The following SORCS1 variants were observed in gnomAD, a reference collection of about 807,000 sequenced individuals.
SORCS1 encodes the protein sortilin related VPS10 domain containing receptor 1, also known as VPS10 domain-containing receptor SorCS1.
In SORCS1, 60 loss-of-function variants were observed where a neutral mutation model predicts 146.1. The ratio of observed to expected loss-of-function variants is 0.41; its 90% confidence interval spans 0.33 to 0.51. The LOEUF (loss-of-function observed/expected upper bound fraction) is 0.51, where lower values mean the gene tolerates loss of function less well. Among genes scored for constraint, SORCS1 ranks in the 20% least tolerant of loss-of-function variants. SORCS1 has a pLI of 0.21. For missense variants in SORCS1, 1,352 were observed against 1,487.6 expected (o/e 0.91, Z 1.50); for synonymous variants, 637 against 584.0 (o/e 1.09, Z -1.31).
At chr10:107,147,750 C>T (rs752519997) in intron 1 of SORCS1, among the ~76,000 whole-genome samples, 10 of 152,076 alleles carry the variant, frequency 6.6e-5, no homozygotes, top group Non-Finnish European at 1.2e-4. Flanking sequence ...TTATTGCAAA[C>T]CACCTATGTG....
chr10:107,077,984 A>G (rs1438758102), intron 1 of SORCS1, among the ~76,000 whole-genome samples: 5 of 152,206 alleles, frequency 3.3e-5, no homozygotes, highest in African/African-American at 1.2e-4. Context: ...ATGTCTGGGA[A>G]ATTCATGGTC....
chr10:106,589,128 T>C (rs1845437656), intron 24 of SORCS1, among the ~76,000 whole-genome samples: 1 of 152,204 alleles, frequency 6.6e-6, no homozygotes, highest in African/African-American at 2.4e-5. Flanking sequence ...CTTTTAGTTC[T>C]TTGAGCAGAA....
intron 2 of SORCS1, among the ~76,000 whole-genome samples, chr10:106,887,506 G>T (rs1406903197): frequency 6.6e-6 from 1 of 152,056 alleles, no homozygotes; most frequent in Non-Finnish European, 1.5e-5. Context: ...GAACCCAGGA[G>T]GCAGAGGTTG....
chr10:106,801,283 A>G (rs538597707), intron 3 of SORCS1, among the ~76,000 whole-genome samples: 1 of 152,274 alleles, frequency 6.6e-6, no homozygotes, highest in Admixed American at 6.5e-5. Context: ...GAAAGGAATA[A>G]AGGCAAGAGA....
At chr10:106,915,504 CCCTCCT>C (rs886600628) in intron 2 of SORCS1, among the ~76,000 whole-genome samples, 3 of 152,112 alleles carry the variant, frequency 2.0e-5, no homozygotes, top group African/African-American at 7.2e-5. Context: ...CTGCCAACCT[CCCTCCT>C]CCTCCTCCCT....
intron 1 of SORCS1, among the ~76,000 whole-genome samples, chr10:106,972,858 G>C (rs966190209): frequency 2.6e-5 from 4 of 152,180 alleles, no homozygotes; most frequent in African/African-American, 7.2e-5. Flanking sequence ...ATAGCAATGG[G>C]GAGATGTTTT....
intron 6 of SORCS1, among the ~76,000 whole-genome samples, chr10:106,718,523 C>T (rs544013210): frequency 1.5e-4 from 22 of 150,144 alleles, no homozygotes; most frequent in Admixed American, 4.6e-4. Flanking sequence ...CAAACCTTCG[C>T]GCTGTTACAG....
intron 24 of SORCS1, among the ~76,000 whole-genome samples, chr10:106,585,405 G>C (rs1845170068): frequency 6.6e-6 from 1 of 151,976 alleles, no homozygotes; most frequent in African/African-American, 2.4e-5. Context: ...ATATTTTCTG[G>C]ATCACTAAAA....
chr10:106,766,071 G>A (rs768454433), intron 4 of SORCS1, among the ~76,000 whole-genome samples: 12 of 152,118 alleles, frequency 7.9e-5, no homozygotes, highest in Non-Finnish European at 1.8e-4. Context: ...TGGCTTCCCC[G>A]GTCAAGGGGT....
At chr10:107,007,024 C>A (rs987465744) in intron 1 of SORCS1, among the ~76,000 whole-genome samples, 9 of 152,154 alleles carry the variant, frequency 5.9e-5, no homozygotes, top group African/African-American at 1.9e-4. Context: ...ATCTCCATGT[C>A]CCGACTAGAC....
intron 1 of SORCS1, among the ~76,000 whole-genome samples, chr10:107,144,065 GGGGCCACA>G (rs1286860101): frequency 5.3e-5 from 8 of 152,122 alleles, no homozygotes; most frequent in Admixed American, 2.0e-4. Context: ...TGTGCTCTGA[GGGGCCACA>G]CATGCTTATC....
chr10:106,580,108 T>C (rs978596882), intron 24 of SORCS1, among the ~76,000 whole-genome samples: 34 of 152,164 alleles, frequency 2.2e-4, no homozygotes, highest in African/African-American at 8.0e-4. Flanking sequence ...AATTGGAAAG[T>C]TGTCATACGT....
intron 1 of SORCS1, among the ~76,000 whole-genome samples, chr10:107,005,763 G>T (rs988355943): frequency 1.3e-5 from 2 of 152,100 alleles, no homozygotes; most frequent in African/African-American, 4.8e-5. Flanking sequence ...ATTTTAAAAT[G>T]ACAAAAATAG....
chr10:107,005,594 C>A (rs1394740988), intron 1 of SORCS1, among the ~76,000 whole-genome samples: 1 of 151,996 alleles, frequency 6.6e-6, no homozygotes, highest in Non-Finnish European at 1.5e-5. Flanking sequence ...ATTATGTACA[C>A]TTTATAATAA....
chr10:106,911,809 T>A (rs1282393603), intron 2 of SORCS1, among the ~76,000 whole-genome samples: 1 of 151,926 alleles, frequency 6.6e-6, no homozygotes, highest in African/African-American at 2.4e-5. Flanking sequence ...CAGGCATCAG[T>A]TTATATTAAA....
At chr10:107,111,091 A>G (rs1167651728) in intron 1 of SORCS1, among the ~76,000 whole-genome samples, 1 of 152,202 alleles carries the variant, frequency 6.6e-6, no homozygotes, top group Non-Finnish European at 1.5e-5. Context: ...TGCCAAAACT[A>G]GTCTGTAAAG....
At chr10:106,914,221 T>G (rs1024744844) in intron 2 of SORCS1, among the ~76,000 whole-genome samples, 1 of 152,218 alleles carries the variant, frequency 6.6e-6, no homozygotes, top group Admixed American at 6.5e-5. Context: ...TAAAAACAAA[T>G]TTATTAGCTT....
intron 2 of SORCS1, among the ~76,000 whole-genome samples, chr10:106,832,569 T>A (rs1948598956): frequency 6.6e-6 from 1 of 152,266 alleles, no homozygotes; most frequent in East Asian, 1.9e-4. Flanking sequence ...CTTGTGTGTC[T>A]CCCGCATCTT....
chr10:106,774,443 G>T (rs1860274911), intron 4 of SORCS1, among the ~76,000 whole-genome samples: 1 of 151,960 alleles, frequency 6.6e-6, no homozygotes, highest in African/African-American at 2.4e-5. Flanking sequence ...GTGTGTGTGT[G>T]TGTGTGTGTG....
Sources: allele counts gnomAD v4.1 joint callset (sites outside exome capture counted in the v4.1 genomes callset), GRCh38; gene constraint gnomAD v4.1.1; transcripts MANE v1.5; gene names NCBI Gene and HGNC (gene_info 2026-07-23, HGNC 2026-07-21).